MAGI1: variants seen among roughly 807,000 people sequenced by gnomAD.
MAGI1 encodes membrane associated guanylate kinase, WW and PDZ domain containing 1.
In MAGI1, 58 loss-of-function variants were observed where a neutral mutation model predicts 139.9. The ratio of observed to expected loss-of-function variants is 0.41; its 90% confidence interval spans 0.34 to 0.52. The LOEUF (loss-of-function observed/expected upper bound fraction) is 0.52. Among genes scored for constraint, MAGI1 ranks in the 20% least tolerant of loss-of-function variants. MAGI1 has a pLI of 0.12. For synonymous variants in MAGI1, 812 were observed against 737.9 expected (o/e 1.10, Z -1.63); for missense variants, 1,874 against 1,901.6 (o/e 0.99, Z 0.27).
At chr3:65,739,321 G>A (rs1351071196) in intron 1 of MAGI1, among the ~76,000 whole-genome samples, 1 of 152,206 alleles carries the variant, frequency 6.6e-6, no homozygotes, top group Non-Finnish European at 1.5e-5. Context: ...TGGGGAGTTA[G>A]GGCCTTGCTC....
At chr3:65,730,104 A>G (rs944794179) in intron 1 of MAGI1, among the ~76,000 whole-genome samples, 2 of 152,224 alleles carry the variant, frequency 1.3e-5, no homozygotes, top group Non-Finnish European at 2.9e-5. Flanking sequence ...TTGAGACAAA[A>G]TATACTGCTG....
intron 1 of MAGI1, among the ~76,000 whole-genome samples, chr3:65,888,272 C>A (rs2060608774): frequency 6.6e-6 from 1 of 152,166 alleles, no homozygotes; most frequent in Admixed American, 6.5e-5. Flanking sequence ...CAGAACCCAT[C>A]TCAATAACTT....
chr3:65,898,923 A>T (rs189169392), intron 1 of MAGI1, among the ~76,000 whole-genome samples: 71 of 152,212 alleles, frequency 4.7e-4, no homozygotes, highest in African/African-American at 1.3e-3. Context: ...AAGAAAATTT[A>T]AAAAAATTTT....
At position 65,428,394 on chromosome 3, in the gene MAGI1, T is replaced by A. The variant is rs113799376; in HGVS notation, c.2167+1126A>T. ...GTGGAAAGTATTGCTCAGTGTGACG[T>A]CCTGTGTTTTCTGGTGAGGCAGAGG... On this transcript the variant is annotated intron_variant, in intron 12 of 22. Transcript: ENST00000402939. Among the ~76,000 whole-genome samples, 929 of 152,210 alleles carry A rather than the reference T, an allele frequency of 6.1e-3. 10 individuals are homozygous for A. Among genetic ancestry groups the A allele is most frequent in the African/African-American group, 0.021 (877 of 41,532 alleles).
At chr3:65,417,465 T>A (rs1946310488) in intron 12 of MAGI1, among the ~76,000 whole-genome samples, 1 of 150,994 alleles carries the variant, frequency 6.6e-6, no homozygotes, top group African/African-American at 2.4e-5. Context: ...AAAGTAAGGG[T>A]AGGAAACAAA....
chr3:65,907,817 T>C (rs964543188), intron 1 of MAGI1: 2 of 152,244 alleles, frequency 1.3e-5, no homozygotes, highest in Non-Finnish European at 2.9e-5. Flanking sequence ...CCTCAGAGTC[T>C]TGGTGTTTGT....
intron 1 of MAGI1, among the ~76,000 whole-genome samples, chr3:66,002,716 A>G (rs2066810679): frequency 6.6e-6 from 1 of 152,034 alleles, no homozygotes; most frequent in Non-Finnish European, 1.5e-5. Context: ...GGGTTTCTCC[A>G]TGTTGGTCAG....
At chr3:65,688,056 T>C in intron 1 of MAGI1, 3 of 776,214 alleles carry the variant, frequency 3.9e-6, no homozygotes, top group Non-Finnish European at 6.9e-6. Context: ...TAAGTCATTA[T>C]GCTGTGATAA....
At chr3:65,482,373 ACCC>A (rs1490175630) in intron 3 of MAGI1, among the ~76,000 whole-genome samples, 1 of 152,230 alleles carries the variant, frequency 6.6e-6, no homozygotes, top group Non-Finnish European at 1.5e-5. Context: ...TTAAAATGAC[ACCC>A]ATACTACATT....
intron 1 of MAGI1, among the ~76,000 whole-genome samples, chr3:65,905,323 C>G (rs1470741827): frequency 1.3e-5 from 2 of 152,158 alleles, no homozygotes; most frequent in African/African-American, 4.8e-5. Context: ...CAAGACCCAA[C>G]TTTTAATTAT....
At chr3:65,553,542 A>C (rs1214019480) in intron 2 of MAGI1, among the ~76,000 whole-genome samples, 1 of 152,228 alleles carries the variant, frequency 6.6e-6, no homozygotes, top group African/African-American at 2.4e-5. Flanking sequence ...GTGATGAGAT[A>C]CCTGTGCCTG....
At chr3:65,974,175 A>G (rs1431637453) in intron 1 of MAGI1, among the ~76,000 whole-genome samples, 1 of 152,026 alleles carries the variant, frequency 6.6e-6, no homozygotes, top group African/African-American at 2.4e-5. Context: ...AGACAACTAG[A>G]TATTTTGCTC....
chr3:65,517,502 C>G (rs1280257416), intron 2 of MAGI1, among the ~76,000 whole-genome samples: 1 of 152,218 alleles, frequency 6.6e-6, no homozygotes, highest in African/African-American at 2.4e-5. Context: ...AGTCTACAAA[C>G]TGTATTTCCC....
chr3:65,977,580 A>C (rs2065330010), intron 1 of MAGI1, among the ~76,000 whole-genome samples: 1 of 152,042 alleles, frequency 6.6e-6, no homozygotes, highest in African/African-American at 2.4e-5. Context: ...GCATGGTGGC[A>C]CACACCTGTA....
chr3:65,361,427 C>T (rs1940844372), intron 21 of MAGI1, 90 bp from the exon 22 acceptor site: 2 of 1,320,440 alleles, frequency 1.5e-6, no homozygotes, highest in Admixed American at 1.9e-5. Context: ...ACATCTATTG[C>T]TTTGGAGGTG....
intron 1 of MAGI1, among the ~76,000 whole-genome samples, chr3:65,855,208 G>C (rs1310093466): frequency 6.9e-6 from 1 of 145,584 alleles, no homozygotes; most frequent in Non-Finnish European, 1.5e-5. Flanking sequence ...AGGAAGCCTT[G>C]TGAGTCCACA....
At chr3:65,743,088 A>T (rs989552502) in intron 1 of MAGI1, among the ~76,000 whole-genome samples, 5 of 152,222 alleles carry the variant, frequency 3.3e-5, no homozygotes, top group African/African-American at 9.6e-5. Context: ...ATTTTCCTGG[A>T]TGCTAGATAC....
intron 10 of MAGI1, among the ~76,000 whole-genome samples, chr3:65,433,377 G>C (rs1439378139): frequency 6.6e-6 from 1 of 152,112 alleles, no homozygotes; most frequent in African/African-American, 2.4e-5. Flanking sequence ...ACTTAATAAA[G>C]ACATGAGCAG....
At chr3:65,413,387 C>T (rs1004107907) in intron 12 of MAGI1, among the ~76,000 whole-genome samples, 5 of 152,130 alleles carry the variant, frequency 3.3e-5, no homozygotes, top group Admixed American at 2.0e-4. Flanking sequence ...GCAAGGCGAT[C>T]GGGCTTCAAG....
Sources: gnomAD v4.1 joint callset for allele counts (sites outside exome capture counted in the v4.1 genomes callset) on GRCh38, gnomAD v4.1.1 for gene constraint, MANE v1.5 for transcripts, NCBI Gene and HGNC (gene_info 2026-07-23, HGNC 2026-07-21) for gene names.